The following POMT2 variants were observed in gnomAD, a reference collection of about 807,000 sequenced individuals.
POMT2 encodes protein O-mannosyltransferase 2.
In POMT2, 75 loss-of-function variants were observed where a neutral mutation model predicts 100.0. The ratio of observed to expected loss-of-function variants is 0.75; its 90% CI spans 0.62 to 0.91. The LOEUF is 0.91. Ranked by LOEUF, POMT2 falls within the 40% of genes least tolerant of loss-of-function variation. The pLI is 0.00. For missense variants in POMT2, 940 were observed against 955.1 expected (o/e 0.98, Z 0.21); for synonymous variants, 378 against 374.1 (o/e 1.01, Z -0.12).
At chr14:77,278,980 C>A (rs1890097811) in intron 18 of POMT2, 111 bp from the exon 19 acceptor site, 3 of 1,374,978 alleles carry the variant, frequency 2.2e-6, no homozygotes, top group Admixed American at 3.9e-5. Context: ...TGTCATATCA[C>A]CTCATTGGAC....
chr14:77,280,120 C>T, intron 16 of POMT2, 40 bp from the exon 17 acceptor site: 1 of 1,613,402 alleles, frequency 6.2e-7, no homozygotes, highest in Non-Finnish European at 8.5e-7. Flanking sequence ...AGGCCCAGCC[C>T]ATCCTCGGCC....
At chr14:77,291,243 G>A in intron 10 of POMT2, 71 bp downstream of exon 10, 1 of 1,457,680 alleles carries the variant, frequency 6.9e-7, no homozygotes, top group Non-Finnish European at 9.5e-7. Context: ...TTCTTTTGCA[G>A]GCATGAGAAA....
In POMT2 at chr14:77,320,529, G is replaced by A. The variant is rs1566666702; in HGVS notation, c.153C>T (p.Arg51=). 2 of 1,557,906 alleles carry A rather than the reference G, an allele frequency of 1.3e-6. No individual in the cohort carries two copies. The highest frequency in any genetic ancestry group is 8.6e-7 in the Non-Finnish European group (1 of 1,156,942). The change falls in exon 1 of 21, where the codon CGC becomes CGT. Residue 51 remains arginine, a synonymous_variant. Coordinates refer to ENST00000261534, the MANE Select transcript of POMT2 (RefSeq NM_013382.7). ...SPKRPAWGSR[R]FEAVGWWALL... ...GGGCCCACCAGCCGACCGCCTCGAA[G>A]CGCCGTGAGCCCCAAGCAGGCCGTT...
At position 77,299,543 on chromosome 14, in the gene POMT2, G is replaced by A; in HGVS notation, c.835C>T (p.Leu279=). The A allele has an allele frequency of 6.2e-7, 1 of 1,614,150 alleles. No homozygotes were observed. Among genetic ancestry groups the A allele is most frequent in the Non-Finnish European group, 8.5e-7 (1 of 1,179,988 alleles). Residue 279 remains leucine (L), a synonymous_variant, in exon 7 of 21, where the codon CTG becomes TTG. Coordinates refer to ENST00000261534, the MANE Select transcript of POMT2 (RefSeq NM_013382.7). The stretch of plus-strand genomic sequence containing the variant: ...ATGAGGCACAGGACACGAGCAGTCA[G>A]GTGTTTTCCCACAGTCACCTGCAAA... The part of the protein sequence containing the change: ...SLSLVTVGKH[L]TARVLCLIVL...
chr14:77,303,027 T>C (rs1566657300), intron 4 of POMT2, 84 bp from the exon 5 acceptor site: 2 of 994,270 alleles, frequency 2.0e-6, no homozygotes, highest in Non-Finnish European at 3.1e-6. Context: ...TAGGAAACAG[T>C]CCCTCTTGCC....
chr14:77,312,018 G>C lies in POMT2; in HGVS notation c.264C>G (p.His88Gln), dbSNP rs1406437008. 2 of 1,613,990 alleles carry C rather than the reference G, an allele frequency of 1.2e-6. No homozygotes were observed. The highest frequency in any genetic ancestry group is 1.1e-5 in the South Asian group (1 of 91,068). ...TATAGTAACTTCCCATTTTTCCAAA[G>C]TGAGTCTCATCCCAACTAAAGGAAA... ...EPPHICWDET[H>Q]FGKMGSYYIN... Residue 88 changes from histidine to glutamine, a missense_variant, in exon 2 of 21, where the codon CAC becomes CAG. Physicochemically the swap from His to Gln is conservative, Grantham distance 24. Transcript: ENST00000261534.
chr14:77,313,025 A>G (rs559364784), intron 1 of POMT2, among the ~76,000 whole-genome samples: 1 of 152,256 alleles, frequency 6.6e-6, no homozygotes, highest in Non-Finnish European at 1.5e-5. Flanking sequence ...CACAATGCAA[A>G]GTCCTCTTTT....
At chr14:77,305,715 C>T (rs539979103) in intron 3 of POMT2, among the ~76,000 whole-genome samples, 9 of 152,348 alleles carry the variant, frequency 5.9e-5, no homozygotes, top group Admixed American at 3.9e-4. Flanking sequence ...TTCAGCCACA[C>T]GTTCAAGGTT....
intron 2 of POMT2, among the ~76,000 whole-genome samples, chr14:77,308,264 CAT>C (rs1891297318): frequency 1.3e-5 from 2 of 150,968 alleles, no homozygotes; most frequent in South Asian, 4.2e-4. Context: ...AAATGGCTAA[CAT>C]ATGAAAAAAT....
intron 1 of POMT2, among the ~76,000 whole-genome samples, chr14:77,314,030 A>G (rs954202331): frequency 1.3e-5 from 2 of 152,106 alleles, no homozygotes; most frequent in Admixed American, 1.3e-4. Flanking sequence ...TTTTTACTTC[A>G]AAAGTTTCCC....
chr14:77,314,591 T>A (rs1173291683), intron 1 of POMT2, among the ~76,000 whole-genome samples: 1 of 151,972 alleles, frequency 6.6e-6, no homozygotes, highest in Non-Finnish European at 1.5e-5. Context: ...GGCAATGGGG[T>A]AGTGAGAGTC....
chr14:77,285,112 G>C, intron 13 of POMT2, 71 bp from the exon 14 acceptor site: 1 of 1,314,542 alleles, frequency 7.6e-7, no homozygotes, highest in Admixed American at 1.8e-5. Flanking sequence ...ACTGTCTTCT[G>C]CTCTTAAATC....
intron 4 of POMT2, 33 bp downstream of exon 4, chr14:77,304,659 C>T: frequency 6.4e-7 from 1 of 1,558,390 alleles, no homozygotes; most frequent in Non-Finnish European, 8.7e-7. Flanking sequence ...CAGCCCATTT[C>T]CCAAAAGCCA....
At position 77,276,650 on chromosome 14, in the gene POMT2, A is replaced by T. The variant is rs1193609256; in HGVS notation, c.*726T>A. ...CACAGTGTGACAATCCCAAAAAACG[A>T]GGAACCAAGGGCTAAGGCAGGCTGA... is the stretch of plus-strand genomic sequence containing the variant. On this transcript the variant is annotated 3_prime_UTR_variant, in exon 21 of 21. Coordinates refer to ENST00000261534, the MANE Select transcript of POMT2 (RefSeq NM_013382.7). 2.6e-5 allele frequency: 4 copies of T among 152,728 alleles called. No homozygotes were observed. The highest frequency in any genetic ancestry group is 9.6e-5 in the African/African-American group (4 of 41,460). The allele number at this position is 152,728 out of a possible 1,614,324, so 9.5% of individuals were successfully genotyped here.
chr14:77,285,757 A>T, intron 12 of POMT2, 125 bp from the exon 13 acceptor site: 11 of 1,111,156 alleles, frequency 9.9e-6, no homozygotes, highest in Non-Finnish European at 1.4e-5. Flanking sequence ...ATTAGGCTCA[A>T]TGATAGAGAT....
chr14:77,306,407 T>A lies in POMT2; in HGVS notation c.368A>T (p.Tyr123Phe). 1 of 1,613,068 alleles carries A rather than the reference T, an allele frequency of 6.2e-7. No individual in the cohort carries two copies. The highest frequency in any genetic ancestry group is 2.2e-5 in the East Asian group (1 of 44,862). The change falls in exon 3 of 21, where the codon TAT becomes TTT. Residue 123 changes from tyrosine (Y) to phenylalanine (F), a missense_variant. Transcript: ENST00000261534. ...LIGLAGYLSG[Y>F]DGTFLFQKPG... ...CTTCTGGAACAAAAAGGTACCATCA[T>A]ATCCACTCAGGTAGCCAGCAAGACC...
At chr14:77,279,572 T>C (rs773536050) in intron 18 of POMT2, 18 of 629,174 alleles carry the variant, frequency 2.9e-5, no homozygotes, top group Admixed American at 8.4e-5. Flanking sequence ...CTTAATCTCA[T>C]GGTTCCTTGG....
intron 15 of POMT2, 145 bp from the exon 16 acceptor site, chr14:77,280,608 G>A (rs1250647455): frequency 6.6e-7 from 1 of 1,507,572 alleles, no homozygotes; most frequent in Non-Finnish European, 8.9e-7. Context: ...GAATCAGGCA[G>A]CTGCTGTCTG....
chr14:77,301,111 G>A lies in POMT2; in HGVS notation c.795C>T (p.Phe265=), dbSNP rs765276419. 188 of 1,614,012 alleles carry A rather than the reference G, an allele frequency of 1.2e-4. No homozygotes were observed. Among genetic ancestry groups the A allele is most frequent in the Non-Finnish European group, 1.6e-4 (183 of 1,180,012 alleles). ...LNTIADLWYL[F]GDLSLSLVTV... ...TCACCAATGAAAGACTGAGGTCTCC[G>A]AACAGGTACCAAAGGTCTGCAATGG... The change falls in exon 6 of 21, where the codon TTC becomes TTT. Residue 265 remains phenylalanine (F), a synonymous_variant. Coordinates refer to ENST00000261534, the MANE Select transcript of POMT2 (RefSeq NM_013382.7).
Sources: allele counts gnomAD v4.1 joint callset (sites outside exome capture counted in the v4.1 genomes callset), GRCh38; gene constraint gnomAD v4.1.1; transcripts MANE v1.5; gene names NCBI Gene and HGNC (gene_info 2026-07-23, HGNC 2026-07-21).